LYPLA1: variants seen among roughly 807,000 people sequenced by gnomAD.
LYPLA1 encodes lysophospholipase 1.
LYPLA1 carries 17 observed loss-of-function variants against 34.0 expected under a neutral mutation model. That is an observed-to-expected ratio of 0.50 (90% confidence interval 0.34 to 0.75). LYPLA1 has a LOEUF of 0.75. Ranked by LOEUF, LYPLA1 falls within the 30% of genes least tolerant of loss-of-function variation. The pLI is 0.01. For missense variants in LYPLA1, 203 were observed against 288.8 expected, an observed-to-expected ratio of 0.70 and a Z score of 2.15; for synonymous variants, 98 against 100.8, an observed-to-expected ratio of 0.97 and a Z score of 0.17.
chr8:54,091,569 A>AGG (rs201628395), intron 2 of LYPLA1, among the ~76,000 whole-genome samples: 1 of 125,970 alleles, frequency 7.9e-6, no homozygotes, highest in African/African-American at 3.3e-5. Context: ...GAAGGAAGGA[A>AGG]AGAAAGAAAG....
At chr8:54,098,394 T>C (rs947034397) in intron 2 of LYPLA1, among the ~76,000 whole-genome samples, 4 of 150,534 alleles carry the variant, frequency 2.7e-5, no homozygotes, top group African/African-American at 9.8e-5. Context: ...GGTGTACAAT[T>C]CAGGCCAGGC....
intron 2 of LYPLA1, among the ~76,000 whole-genome samples, chr8:54,091,129 C>T (rs1262574537): frequency 3.3e-5 from 5 of 152,124 alleles, no homozygotes; most frequent in African/African-American, 7.2e-5. Flanking sequence ...CTCAGCTTCC[C>T]GAAGTGATAG....
At chr8:54,086,104 A>T (rs1299328330) in intron 2 of LYPLA1, among the ~76,000 whole-genome samples, 2 of 152,186 alleles carry the variant, frequency 1.3e-5, no homozygotes, top group Non-Finnish European at 2.9e-5. Context: ...CCACCTTGGG[A>T]TGCTGTTAAT....
At chr8:54,060,468 A>G (rs1806521830) in intron 5 of LYPLA1, among the ~76,000 whole-genome samples, 1 of 151,890 alleles carries the variant, frequency 6.6e-6, no homozygotes, top group Admixed American at 6.6e-5. Flanking sequence ...GTAAGTTAGT[A>G]TTCTGTTTCT....
At chr8:54,072,777 G>A (rs906440614) in intron 2 of LYPLA1, among the ~76,000 whole-genome samples, 16 of 151,792 alleles carry the variant, frequency 1.1e-4, no homozygotes, top group African/African-American at 2.9e-4. Flanking sequence ...TCAGGAGTTC[G>A]AGACCAACCT....
In LYPLA1 at chr8:54,090,917, C is replaced by A. The variant is rs550562888; in HGVS notation, c.101+9991G>T. On this transcript the variant is annotated intron_variant, in intron 2 of 8. Coordinates refer to ENST00000316963, the MANE Select transcript of LYPLA1 (RefSeq NM_006330.4). Reference sequence around the variant, plus strand: ...CCCTTCGCTCAGCTCTCATTTCTCTCTCCTGCCACCCTGTGAAGAGGTGCC... The same window carrying A: ...CCCTTCGCTCAGCTCTCATTTCTCTATCCTGCCACCCTGTGAAGAGGTGCC... 1.1e-4 allele frequency among the ~76,000 whole-genome samples: 16 copies of A among 152,346 alleles called. No homozygotes were observed. In the East Asian group the frequency reaches 3.1e-3, roughly 29 times the overall value.
downstream of LYPLA1, chr8:54,044,931 T>C (rs1227903601): frequency 6.6e-6 from 1 of 152,246 alleles, no homozygotes; most frequent in African/African-American, 2.4e-5. Flanking sequence ...GTATCATAGT[T>C]CTACTCAGCA....
chr8:54,092,938 T>G (rs1809416323), intron 2 of LYPLA1, among the ~76,000 whole-genome samples: 1 of 152,142 alleles, frequency 6.6e-6, no homozygotes, highest in African/African-American at 2.4e-5. Flanking sequence ...CTGTCTGGGT[T>G]TGTAAAAGAA....
chr8:54,060,885 G>A (rs1295609555), intron 5 of LYPLA1, among the ~76,000 whole-genome samples: 1 of 151,576 alleles, frequency 6.6e-6, no homozygotes, highest in African/African-American at 2.4e-5. Context: ...AGTAGAGACG[G>A]GGTTTCACCA....
downstream of LYPLA1, chr8:54,045,077 A>G (rs1260001112): frequency 2.0e-5 from 3 of 152,232 alleles, no homozygotes; most frequent in African/African-American, 7.2e-5. Flanking sequence ...TGGCTCTTGC[A>G]CATTAATAGC....
In LYPLA1 at chr8:54,098,914, C is replaced by T. The variant is rs1809895765; in HGVS notation, c.101+1994G>A. On this transcript the variant is annotated intron_variant, in intron 2 of 8. Coordinates refer to ENST00000316963, the MANE Select transcript of LYPLA1 (RefSeq NM_006330.4). ...TGCACTCATGGAACCAATCTAGAGT[C>T]AGCCTTTCCTTAGCATTATCCCACC... 2.7e-5 allele frequency among the ~76,000 whole-genome samples: 4 copies of T among 150,888 alleles called. No individual in the cohort carries two copies. In the South Asian group the frequency reaches 9.3e-4, roughly 35 times the overall value.
intron 2 of LYPLA1, among the ~76,000 whole-genome samples, chr8:54,095,290 C>A (rs1809598953): frequency 6.6e-6 from 1 of 152,092 alleles, no homozygotes; most frequent in Non-Finnish European, 1.5e-5. Context: ...AGCCACTGCA[C>A]CCGGCCAGAA....
intron 2 of LYPLA1, among the ~76,000 whole-genome samples, chr8:54,092,374 GGAAGAAA>G (rs1418778223): frequency 3.9e-5 from 6 of 151,906 alleles, no homozygotes; most frequent in East Asian, 1.9e-4. Context: ...AGGAAGAGGA[GGAAGAAA>G]GAAGAAAGAA....
intron 2 of LYPLA1, among the ~76,000 whole-genome samples, chr8:54,076,655 G>A (rs1197131888): frequency 6.6e-6 from 1 of 152,108 alleles, no homozygotes; most frequent in East Asian, 1.9e-4. Context: ...CGGAATGAGG[G>A]CAAGGAACAC....
chr8:54,058,692 CAGACTCTCA>C (rs2129329533), intron 5 of LYPLA1, among the ~76,000 whole-genome samples: 1 of 152,186 alleles, frequency 6.6e-6, no homozygotes, highest in African/African-American at 2.4e-5. Flanking sequence ...CCTCCCACCT[CAGACTCTCA>C]AGCAGCTGAG....
At chr8:54,062,488 A>T (rs185606294) in intron 4 of LYPLA1, among the ~76,000 whole-genome samples, 164 bp from the exon 5 acceptor site, 2 of 136,106 alleles carry the variant, frequency 1.5e-5, no homozygotes, top group Non-Finnish European at 3.1e-5. Flanking sequence ...ACGAAGTCTC[A>T]CTATTTATTT....
At chr8:54,087,633 G>C (rs1163241181) in intron 2 of LYPLA1, among the ~76,000 whole-genome samples, 2 of 152,192 alleles carry the variant, frequency 1.3e-5, no homozygotes, top group East Asian at 3.8e-4. Flanking sequence ...TAGGAGTCTA[G>C]TGTCCAGACA....
At chr8:54,070,761 T>C (rs1807399396) in intron 2 of LYPLA1, among the ~76,000 whole-genome samples, 2 of 152,130 alleles carry the variant, frequency 1.3e-5, no homozygotes, top group Non-Finnish European at 2.9e-5. Flanking sequence ...GGCACAGCCA[T>C]ACAACGGAGT....
chr8:54,051,282 T>A, intron 7 of LYPLA1, 94 bp from the exon 8 acceptor site: 3 of 1,063,750 alleles, frequency 2.8e-6, no homozygotes, highest in East Asian at 5.2e-5. Context: ...TGCATATATA[T>A]AACATATTAG....
Sources: allele counts gnomAD v4.1 joint callset (sites outside exome capture counted in the v4.1 genomes callset), GRCh38; gene constraint gnomAD v4.1.1; transcripts MANE v1.5; gene names NCBI Gene and HGNC (gene_info 2026-07-23, HGNC 2026-07-21).